ENAH: variants seen among roughly 807,000 people sequenced by gnomAD.
ENAH encodes the protein ENAH actin regulator.
ENAH carries 23 observed loss-of-function variants against 78.7 expected under a neutral mutation model. The observed-to-expected ratio is 0.29, with a 90% CI of 0.21 to 0.41. ENAH has a LOEUF of 0.41. Among genes scored for constraint, ENAH ranks in the 10% least tolerant of loss-of-function variants. The pLI is 1.00. For missense variants in ENAH, 544 were observed against 691.0 expected (o/e 0.79, Z 2.39); for synonymous variants, 226 against 241.0 (o/e 0.94, Z 0.58).
chr1:225,542,353 C>A (rs973620603), intron 3 of ENAH, among the ~76,000 whole-genome samples: 1 of 152,232 alleles, frequency 6.6e-6, no homozygotes, highest in Non-Finnish European at 1.5e-5. Flanking sequence ...TGCCATCACA[C>A]TACTTTCCAG....
At chr1:225,581,239 A>C in intron 1 of ENAH, 1 of 974,608 alleles carries the variant, frequency 1.0e-6, no homozygotes, top group Non-Finnish European at 1.2e-6. Flanking sequence ...GTAACTGAAT[A>C]GATTATTTCA....
intron 3 of ENAH, among the ~76,000 whole-genome samples, chr1:225,549,837 C>T (rs2096633101): frequency 6.6e-6 from 1 of 152,152 alleles, no homozygotes; most frequent in African/African-American, 2.4e-5. Context: ...TGCTCCTCTC[C>T]TCTCTCTACT....
At chr1:225,512,845 A>AT (rs760806918) in intron 8 of ENAH, 26 bp downstream of exon 8, 27 of 1,611,360 alleles carry the variant, frequency 1.7e-5, no homozygotes, top group Non-Finnish European at 2.0e-5. Context: ...AATTCTGGGC[A>AT]TGTCCATTAT....
chr1:225,567,175 T>G, intron 2 of ENAH, 74 bp downstream of exon 2: 1 of 1,517,442 alleles, frequency 6.6e-7, no homozygotes, highest in African/African-American at 1.4e-5. Flanking sequence ...TTAAAACTAC[T>G]TTATTTTACG....
At chr1:225,621,019 A>T (rs1296177452) in intron 1 of ENAH, among the ~76,000 whole-genome samples, 3 of 152,128 alleles carry the variant, frequency 2.0e-5, no homozygotes, top group African/African-American at 7.2e-5. Context: ...AAAGAAAAAA[A>T]AGTGTGGAGA....
At chr1:225,515,378 A>G (rs2096409834) in intron 6 of ENAH, 1 of 152,732 alleles carries the variant, frequency 6.5e-6, no homozygotes, top group Non-Finnish European at 1.5e-5. Context: ...AAGTGGCTGT[A>G]TTAAAAACAT....
rs746549168 is a variant in ENAH at position 225,650,848 on chromosome 1, T to TAAAA, written c.5+1834_5+1837dup. 6.9e-3 allele frequency among the ~76,000 whole-genome samples: 404 copies of TAAAA among 58,896 alleles called. 14 individuals are homozygous for TAAAA. The highest frequency in any genetic ancestry group is 0.03 in the Middle Eastern group (2 of 66). The allele number at this position is 58,896 out of a possible 152,430, so 38.6% of individuals were successfully genotyped here. A position where few individuals can be genotyped will look rare whatever the true frequency, so the allele number is the denominator to read the frequency against. On this transcript the variant is annotated intron_variant, in intron 1 of 13. Coordinates refer to ENST00000366843, the MANE Select transcript of ENAH (RefSeq NM_018212.6). ...CTGGGCAAGAGAGCAAGACTGCATT[T>TAAAA]AAAAAAAAAAAAAAAAAAAAAAAAA...
intron 1 of ENAH, among the ~76,000 whole-genome samples, chr1:225,571,337 C>T (rs928552255): frequency 3.3e-5 from 5 of 151,740 alleles, no homozygotes; most frequent in African/African-American, 7.3e-5. Flanking sequence ...CATGCCACTA[C>T]ACTCCAGCCT....
At chr1:225,591,134 C>T (rs776684886) in intron 1 of ENAH, among the ~76,000 whole-genome samples, 18 of 152,288 alleles carry the variant, frequency 1.2e-4, no homozygotes, top group Admixed American at 7.2e-4. Context: ...GAATCATTGG[C>T]ACATGGACTA....
At position 225,519,426 on chromosome 1, in the gene ENAH, C is replaced by T. The variant is rs761419042; in HGVS notation, c.574G>A (p.Glu192Lys). 2.5e-6 allele frequency: 4 copies of T among 1,613,208 alleles called. No homozygotes were observed. The highest frequency in any genetic ancestry group is 1.3e-5 in the African/African-American group (1 of 74,754). Residue 192 changes from glutamate to lysine, a missense_variant, in exon 5 of 14, where the codon GAG becomes AAG. Coordinates refer to ENST00000366843, the MANE Select transcript of ENAH (RefSeq NM_018212.6). ...CGTTCCCGTTCTTGTCTCTCTCTCT[C>T]CAGCTGTTCTTGTTCCAGTCGCTCC... is the stretch of plus-strand genomic sequence containing the variant. ...ERERLEQEQL[E>K]RERQERERQE...
At chr1:225,503,551 T>C (rs1575310422) in intron 11 of ENAH, among the ~76,000 whole-genome samples, 1 of 149,852 alleles carries the variant, frequency 6.7e-6, no homozygotes, top group African/African-American at 2.5e-5. Context: ...GCTGGGATTA[T>C]AGGCATGAGC....
intron 3 of ENAH, among the ~76,000 whole-genome samples, chr1:225,537,784 C>CA (rs2096569280): frequency 6.6e-6 from 1 of 151,150 alleles, no homozygotes; most frequent in South Asian, 2.1e-4. Context: ...AGCCATCCTT[C>CA]AGGCTTACCC....
At chr1:225,546,568 GT>G (rs2096614845) in intron 3 of ENAH, among the ~76,000 whole-genome samples, 1 of 152,142 alleles carries the variant, frequency 6.6e-6, no homozygotes, top group Non-Finnish European at 1.5e-5. Flanking sequence ...ACTGATATTA[GT>G]TACTCAAACA....
intron 1 of ENAH, among the ~76,000 whole-genome samples, chr1:225,622,271 ATG>A: frequency 1.3e-5 from 2 of 152,174 alleles, no homozygotes; most frequent in South Asian, 4.1e-4. Flanking sequence ...CACCTTAAAT[ATG>A]TGACATTTAT....
intron 3 of ENAH, among the ~76,000 whole-genome samples, chr1:225,534,331 C>A (rs1240769074): frequency 6.6e-6 from 1 of 152,144 alleles, no homozygotes; most frequent in Non-Finnish European, 1.5e-5. Flanking sequence ...AATAGGCTCA[C>A]TGCTGTAACT....
intron 3 of ENAH, among the ~76,000 whole-genome samples, chr1:225,548,713 A>G (rs1323542336): frequency 2.6e-5 from 4 of 152,186 alleles, no homozygotes; most frequent in African/African-American, 7.2e-5. Flanking sequence ...TTAACCTCAC[A>G]TTACTGTGAT....
intron 10 of ENAH, among the ~76,000 whole-genome samples, chr1:225,509,245 G>A (rs1558721424): frequency 6.6e-6 from 1 of 152,146 alleles, no homozygotes; most frequent in Non-Finnish European, 1.5e-5. Context: ...AAAAAGGGAA[G>A]TCCTGAATGA....
Position 225,497,640 on chromosome 1 carries a change from G to C in ENAH, c.*135C>G. 1 of 811,994 alleles carries C rather than the reference G, an allele frequency of 1.2e-6. No individual in the cohort carries two copies. The allele number at this position is 811,994 out of a possible 1,614,324, so 50.3% of individuals were successfully genotyped here. On this transcript the variant is annotated 3_prime_UTR_variant, in exon 14 of 14. Coordinates refer to ENST00000366843, the MANE Select transcript of ENAH (RefSeq NM_018212.6). The stretch of plus-strand genomic sequence containing the variant: ...GTCTGAAGGCTTTCAGAGTAGGTTG[G>C]TTTTTCCCTCCTTCTGTTTGTCTCC...
chr1:225,604,235 G>GTAT (rs1331883059), intron 1 of ENAH, among the ~76,000 whole-genome samples: 2 of 152,066 alleles, frequency 1.3e-5, no homozygotes, highest in Non-Finnish European at 2.9e-5. Flanking sequence ...CTCTTAGGAG[G>GTAT]TATTCTGGAC....
Sources: gnomAD v4.1 joint callset for allele counts (sites outside exome capture counted in the v4.1 genomes callset) on GRCh38, gnomAD v4.1.1 for gene constraint, MANE v1.5 for transcripts, NCBI Gene and HGNC (gene_info 2026-07-23, HGNC 2026-07-21) for gene names.